Variants in SUPT3H observed in about 807,000 individuals in gnomAD.
The protein encoded by SUPT3H is transcription initiation protein SPT3 homolog.
A neutral mutation model predicts 44.3 loss-of-function variants in SUPT3H; 44 were observed. That is an observed-to-expected ratio of 0.99 (90% CI 0.78 to 1.28). SUPT3H has a LOEUF of 1.28. SUPT3H is among the 50% of genes most tolerant of loss of function. The pLI is 0.00. For synonymous variants in SUPT3H, 124 were observed against 125.6 expected, an observed-to-expected ratio of 0.99 and a Z score of 0.09; for missense variants, 380 against 387.1, an observed-to-expected ratio of 0.98 and a Z score of 0.15.
intron 1 of SUPT3H, among the ~76,000 whole-genome samples, chr6:45,372,216 T>C (rs1260817784): frequency 6.6e-6 from 1 of 152,200 alleles, no homozygotes; most frequent in East Asian, 1.9e-4. Flanking sequence ...CCTCACTGCC[T>C]CAGTTCCCTC....
intron 2 of SUPT3H, chr6:45,159,015 G>C (rs1808487497): frequency 6.6e-6 from 1 of 152,154 alleles, no homozygotes; most frequent in Non-Finnish European, 1.5e-5. Flanking sequence ...CCATAATGTA[G>C]TATGTCAGGA....
At chr6:45,363,424 T>C (rs1340277612) in intron 2 of SUPT3H, among the ~76,000 whole-genome samples, 1 of 152,140 alleles carries the variant, frequency 6.6e-6, no homozygotes, top group Non-Finnish European at 1.5e-5. Flanking sequence ...AAAGGTTAAA[T>C]AAGACTGGAA....
Position 44,912,269 on chromosome 6 carries a change from T to C in SUPT3H, c.912+20384A>G, listed in dbSNP as rs147064549. ...CTTCCCCCACTGCTGTAGCTTCTAA[T>C]CTACTTTCTGCCTGTGTGAATTTGC... On this transcript the variant is annotated intron_variant, in intron 10 of 10. Coordinates refer to ENST00000371459, the MANE Select transcript of SUPT3H (RefSeq NM_003599.4). Among the ~76,000 whole-genome samples, 1,451 of 152,296 alleles carry C rather than the reference T, an allele frequency of 9.5e-3. 16 individuals are homozygous for C. Among genetic ancestry groups the C allele is most frequent in the Non-Finnish European group, 0.015 (1,021 of 68,020 alleles).
At chr6:45,178,829 GA>G (rs1407457534) in intron 2 of SUPT3H, among the ~76,000 whole-genome samples, 1 of 152,008 alleles carries the variant, frequency 6.6e-6, no homozygotes, top group Non-Finnish European at 1.5e-5. Context: ...GGTACATAAC[GA>G]AATGAAGGCA....
intron 2 of SUPT3H, among the ~76,000 whole-genome samples, chr6:45,189,163 C>T (rs987250925): frequency 2.0e-5 from 3 of 152,064 alleles, no homozygotes; most frequent in Admixed American, 1.3e-4. Context: ...GATCATTTGT[C>T]TTATTTGCCA....
At chr6:45,180,970 C>T (rs1279653980) in intron 2 of SUPT3H, among the ~76,000 whole-genome samples, 2 of 150,998 alleles carry the variant, frequency 1.3e-5, no homozygotes, top group Admixed American at 6.6e-5. Flanking sequence ...ACCTACTCAT[C>T]TGACAAAGGG....
chr6:44,853,846 G>C (rs1469214203), intron 10 of SUPT3H, among the ~76,000 whole-genome samples: 3 of 151,890 alleles, frequency 2.0e-5, no homozygotes, highest in Non-Finnish European at 4.4e-5. Context: ...ACTGAGAGTA[G>C]TTCTCTTCCT....
intron 2 of SUPT3H, chr6:45,328,892 A>T: frequency 2.6e-6 from 3 of 1,134,016 alleles, no homozygotes; most frequent in Non-Finnish European, 2.7e-6. Context: ...TAAAGATCCT[A>T]ATTATGCTAT....
intron 2 of SUPT3H, among the ~76,000 whole-genome samples, chr6:45,134,556 A>G (rs1372118367): frequency 6.6e-6 from 1 of 152,194 alleles, no homozygotes; most frequent in African/African-American, 2.4e-5. Flanking sequence ...AAGGCATGAT[A>G]CATACTGAGG....
intron 2 of SUPT3H, among the ~76,000 whole-genome samples, chr6:45,179,689 T>TA (rs1013291979): frequency 1.1e-4 from 17 of 152,218 alleles, no homozygotes; most frequent in Non-Finnish European, 2.2e-4. Context: ...CGCTTCATGC[T>TA]AAAAACTCTC....
At chr6:45,096,981 C>T (rs188839949) in intron 3 of SUPT3H, among the ~76,000 whole-genome samples, 44 of 152,072 alleles carry the variant, frequency 2.9e-4, no homozygotes, top group Admixed American at 6.5e-5. Flanking sequence ...ATAACTGATA[C>T]TGAAAAAATG....
rs190361312 is a variant in SUPT3H, at chr6:45,060,160, A to G, written c.187-39528T>C. 5.4e-3 allele frequency among the ~76,000 whole-genome samples: 826 copies of G among 152,298 alleles called. 12 individuals carry two copies. Among genetic ancestry groups the G allele is most frequent in the African/African-American group, 0.019 (794 of 41,556 alleles). ...GCCAAGACAATCCTAAGCAAAAAGA[A>G]CAAAGCTGAAGGCATCATGCTACCT... On this transcript the variant is annotated intron_variant, in intron 3 of 10. Transcript: ENST00000371459.
chr6:44,891,385 C>T (rs773030085), intron 10 of SUPT3H, among the ~76,000 whole-genome samples: 15 of 152,018 alleles, frequency 9.9e-5, no homozygotes, highest in Non-Finnish European at 2.1e-4. Context: ...TTGACTAAAA[C>T]AAATGTGGTT....
intron 3 of SUPT3H, among the ~76,000 whole-genome samples, chr6:45,026,207 A>G (rs757423464): frequency 1.3e-5 from 2 of 152,170 alleles, no homozygotes; most frequent in South Asian, 2.1e-4. Flanking sequence ...GCTTGCAACC[A>G]TATTTGCTAG....
At chr6:44,889,899 C>T (rs1231142755) in intron 10 of SUPT3H, among the ~76,000 whole-genome samples, 4 of 152,102 alleles carry the variant, frequency 2.6e-5, no homozygotes, top group East Asian at 3.9e-4. Context: ...CTACAATGAA[C>T]TCCAACAAAT....
intron 3 of SUPT3H, among the ~76,000 whole-genome samples, chr6:45,023,375 T>A (rs1298958594): frequency 2.6e-5 from 4 of 152,028 alleles, no homozygotes; most frequent in Non-Finnish European, 5.9e-5. Flanking sequence ...GTATGGTGAT[T>A]CCTCAGAGCT....
chr6:45,331,173 G>C (rs2150080745), intron 2 of SUPT3H, among the ~76,000 whole-genome samples: 1 of 151,846 alleles, frequency 6.6e-6, no homozygotes, highest in South Asian at 2.1e-4. Context: ...CTGTGTCCTT[G>C]ATCTCTCAGC....
chr6:45,240,596 C>G (rs1770112687), intron 2 of SUPT3H, among the ~76,000 whole-genome samples: 2 of 152,174 alleles, frequency 1.3e-5, no homozygotes, highest in South Asian at 4.1e-4. Context: ...ACAGAACAGG[C>G]AGAGGTGCTG....
intron 2 of SUPT3H, among the ~76,000 whole-genome samples, chr6:45,212,054 T>C (rs1764180219): frequency 6.6e-6 from 1 of 151,740 alleles, no homozygotes; most frequent in Admixed American, 6.6e-5. Context: ...TATTACCAGC[T>C]ACTCTGGATG....
Sources: allele counts gnomAD v4.1 joint callset (sites outside exome capture counted in the v4.1 genomes callset), GRCh38; gene constraint gnomAD v4.1.1; transcripts MANE v1.5; gene names NCBI Gene and HGNC (gene_info 2026-07-23, HGNC 2026-07-21).